Variants in NINJ2 observed in about 807,000 individuals in gnomAD.
NINJ2 encodes the protein ninjurin 2.
A neutral mutation model predicts 11.7 loss-of-function variants in NINJ2; 12 were observed. The observed-to-expected ratio is 1.02, with a 90% confidence interval of 0.66 to 1.66. The LOEUF is 1.66. NINJ2 is among the 40% of genes most tolerant of loss of function. The pLI is 0.00. For synonymous variants in NINJ2, 93 were observed against 76.8 expected (o/e 1.21, Z -1.10); for missense variants, 187 against 181.8 (o/e 1.03, Z -0.16).
intron 1 of NINJ2, among the ~76,000 whole-genome samples, chr12:629,438 C>G (rs566257373): frequency 1.7e-4 from 26 of 152,248 alleles, no homozygotes; most frequent in African/African-American, 6.0e-4. Flanking sequence ...ACAGTACAAC[C>G]CAGGATCCTG....
chr12:568,876 A>ACCCC lies in NINJ2; in HGVS notation c.34-2702_34-2699dup, dbSNP rs5795931. Reference sequence around the variant, plus strand: ...AGGCGGTGCTTGGGGCTGTGAGGACACCCCCCCCCCCCCGCCCCCCGGGTA... The same window carrying ACCCC: ...AGGCGGTGCTTGGGGCTGTGAGGACACCCCCCCCCCCCCCCCCGCCCCCCGGGTA... On this transcript the variant is annotated intron_variant, in intron 1 of 3. Coordinates refer to ENST00000305108, the MANE Select transcript of NINJ2 (RefSeq NM_016533.6). Among the ~76,000 whole-genome samples the ACCCC allele has an allele frequency of 7.4e-4, 83 of 112,812 alleles. 1 individual carries two copies. The highest frequency in any genetic ancestry group is 1.4e-3 in the African/African-American group (37 of 26,874). 74.0% of individuals were successfully genotyped at this position (112,812 alleles called of 152,430 possible).
At chr12:565,449 C>G (rs768101602) in intron 2 of NINJ2, 48 bp from the exon 3 acceptor site, 1 of 1,582,074 alleles carries the variant, frequency 6.3e-7, no homozygotes, top group Non-Finnish European at 8.6e-7. Context: ...GGGGCCACAG[C>G]ACGGAGCTGC....
Position 663,364 on chromosome 12 carries a change from G to C in NINJ2, c.-4C>G. ...TGTTTTCTCTTGCTGATTCCATCTC[G>C]CTGCCCTCAAGTCCCTTCACACGCA... On this transcript the variant is annotated 5_prime_UTR_variant, in exon 1 of 4. Transcript: ENST00000305108. 6.2e-7 allele frequency: 1 copy of C among 1,614,108 alleles called. No individual in the cohort carries two copies. Among genetic ancestry groups the C allele is most frequent in the South Asian group, 1.1e-5 (1 of 91,082 alleles).
chr12:631,897 C>G (rs566694492), intron 1 of NINJ2, among the ~76,000 whole-genome samples: 11 of 152,150 alleles, frequency 7.2e-5, no homozygotes, highest in African/African-American at 2.4e-4. Context: ...TTCTGCAATG[C>G]TCCTTAGGGG....
intron 1 of NINJ2, among the ~76,000 whole-genome samples, chr12:648,573 A>G (rs1485917967): frequency 2.0e-5 from 3 of 152,236 alleles, no homozygotes; most frequent in Non-Finnish European, 4.4e-5. Context: ...TTTGCTCTGC[A>G]GAGGCACCTG....
At chr12:661,734 C>T (rs1288243505) in intron 1 of NINJ2, among the ~76,000 whole-genome samples, 2 of 152,176 alleles carry the variant, frequency 1.3e-5, no homozygotes, top group Non-Finnish European at 2.9e-5. Context: ...GAGGCAAGAA[C>T]TAGAAGTAAG....
At chr12:650,083 T>TG (rs1937764024) in intron 1 of NINJ2, among the ~76,000 whole-genome samples, 1 of 151,280 alleles carries the variant, frequency 6.6e-6, no homozygotes, top group Non-Finnish European at 1.5e-5. Context: ...TTAGTAGATT[T>TG]TTTTTTTTTT....
rs1230819956 is a variant in NINJ2 at position 582,410 on chromosome 12, G to GGCGC, written c.34-16233_34-16232insGCGC. On this transcript the variant is annotated intron_variant, in intron 1 of 3. Coordinates refer to ENST00000305108, the MANE Select transcript of NINJ2 (RefSeq NM_016533.6). ...GCATGCTAGAGTGAATGAATGAATG[G>GGCGC]ACGCAGGCAGGCATGCTAGAGTGAA... 5.4e-4 allele frequency among the ~76,000 whole-genome samples: 67 copies of GGCGC among 123,622 alleles called. 3 individuals are homozygous for GGCGC. Among genetic ancestry groups the GGCGC allele is most frequent in the Admixed American group, 1.1e-3 (13 of 11,832 alleles). 81.1% of individuals were successfully genotyped at this position (123,622 alleles called of 152,430 possible).
At position 649,531 on chromosome 12, in the gene NINJ2, GTATA is replaced by G. The variant is rs58255301; in HGVS notation, c.33+13793_33+13796del. 2.2e-3 allele frequency among the ~76,000 whole-genome samples: 286 copies of G among 127,696 alleles called. 5 individuals carry two copies. Among genetic ancestry groups the G allele is most frequent in the African/African-American group, 7.6e-3 (269 of 35,374 alleles). 83.8% of individuals were successfully genotyped at this position (127,696 alleles called of 152,430 possible). A position where few individuals can be genotyped will look rare whatever the true frequency, so the allele number is the denominator to read the frequency against. ...AGTGAATATGTGTGTGTGTATATGT[GTATA>G]TATATATATATATATATAGTAGCCC... On this transcript the variant is annotated intron_variant, in intron 1 of 3. Coordinates refer to ENST00000305108, the MANE Select transcript of NINJ2 (RefSeq NM_016533.6).
intron 1 of NINJ2, among the ~76,000 whole-genome samples, chr12:606,250 TATAAAAA>T (rs1235666296): frequency 6.6e-6 from 1 of 151,812 alleles, no homozygotes; most frequent in African/African-American, 2.4e-5. Context: ...AAATTAAAAA[TATAAAAA>T]TTAAAAATTC....
chr12:620,352 C>A (rs939500194), intron 1 of NINJ2, among the ~76,000 whole-genome samples: 2 of 147,668 alleles, frequency 1.4e-5, no homozygotes, highest in Non-Finnish European at 3.0e-5. Context: ...CCCCGCTTTG[C>A]GGGAAGGGGA....
intron 1 of NINJ2, chr12:631,074 C>T (rs143338675): frequency 0.015 from 2,341 of 152,290 alleles, 38 homozygotes; most frequent in Admixed American, 0.049. Flanking sequence ...TCAGTAATGG[C>T]CCCTGTCACA....
chr12:602,554 C>T (rs1947886604), intron 1 of NINJ2, among the ~76,000 whole-genome samples: 1 of 152,180 alleles, frequency 6.6e-6, no homozygotes. Flanking sequence ...TTGTTTCCAC[C>T]TTTTCACTAT....
intron 1 of NINJ2, among the ~76,000 whole-genome samples, chr12:650,188 G>A (rs1565648992): frequency 6.6e-6 from 1 of 151,706 alleles, no homozygotes; most frequent in African/African-American, 2.4e-5. Flanking sequence ...AGGTTCAAGC[G>A]ATTCTCATGC....
chr12:634,265 C>CTTTTTTTTTTTTTTTTTT lies in NINJ2; in HGVS notation c.33+29045_33+29062dup, dbSNP rs67797144. On this transcript the variant is annotated intron_variant, in intron 1 of 3. Transcript: ENST00000305108. Reference sequence around the variant, plus strand: ...AAATAAATGTTGATTAGTTGCAGTTCTTTTTTTTTTTTTTTTTTTTTTTTT... The same window carrying CTTTTTTTTTTTTTTTTTT: ...AAATAAATGTTGATTAGTTGCAGTTCTTTTTTTTTTTTTTTTTTTTTTTTTTTTTTTTTTTTTTTTTTT... Among the ~76,000 whole-genome samples, 70 of 59,524 alleles carry CTTTTTTTTTTTTTTTTTT rather than the reference C, an allele frequency of 1.2e-3. 7 individuals carry two copies. The highest frequency in any genetic ancestry group is 5.1e-3 in the East Asian group (6 of 1,176). 39.1% of individuals were successfully genotyped at this position (59,524 alleles called of 152,430 possible).
chr12:604,546 G>A (rs2535397), intron 1 of NINJ2, among the ~76,000 whole-genome samples: 129,992 of 152,152 alleles, frequency 0.85, 55,966 homozygotes, highest in African/African-American at 0.96. Flanking sequence ...GCTGAGGCAC[G>A]AGAATCGCTT....
intron 1 of NINJ2, among the ~76,000 whole-genome samples, chr12:596,694 A>G (rs4597121): frequency 0.086 from 13,055 of 152,158 alleles, 714 homozygotes; most frequent in African/African-American, 0.16. Flanking sequence ...AGGTTGAAGC[A>G]GGGGCATCCC....
At position 580,268 on chromosome 12, in the gene NINJ2, CTGAA is replaced by C. The variant is rs1030147797; in HGVS notation, c.34-14094_34-14091del. On this transcript the variant is annotated intron_variant, in intron 1 of 3. Transcript: ENST00000305108. The surrounding 1 kb of genome is among the most constrained non-coding windows in gnomAD (Gnocchi z 4.7). ...ACAAGGGGGCGCCTCACCTGGAGTGCTGAATGAATGAAGGAGTGAATGAATGATG... is the reference window on the plus strand; with the variant it reads ...ACAAGGGGGCGCCTCACCTGGAGTGCTGAATGAAGGAGTGAATGAATGATG... Among the ~76,000 whole-genome samples the C allele has an allele frequency of 5.9e-5, 9 of 152,080 alleles. No homozygotes were observed. The highest frequency in any genetic ancestry group is 2.2e-4 in the African/African-American group (9 of 41,406).
intron 1 of NINJ2, among the ~76,000 whole-genome samples, chr12:629,896 A>AAAAAAAATATATATATATATATAT: frequency 1.0e-4 from 1 of 9,904 alleles, no homozygotes; most frequent in African/African-American, 1.5e-4. Flanking sequence ...AAAAAAAAAA[A>AAAAAAAATATATATATATATATAT]ATATATATAT....
Sources: allele counts gnomAD v4.1 joint callset (sites outside exome capture counted in the v4.1 genomes callset), GRCh38; gene constraint gnomAD v4.1.1; non-coding constraint Gnocchi (gnomAD v3.1); transcripts MANE v1.5; gene names NCBI Gene and HGNC (gene_info 2026-07-23, HGNC 2026-07-21).